Variants in PAFAH1B2 observed in about 807,000 individuals in gnomAD.
PAFAH1B2 encodes platelet-activating factor acetylhydrolase IB subunit alpha2.
PAFAH1B2 carries 8 observed loss-of-function variants against 28.0 expected under a neutral mutation model. The ratio of observed to expected loss-of-function variants is 0.29; its 90% CI spans 0.17 to 0.52. The LOEUF is 0.52. PAFAH1B2 is among the 20% of genes least tolerant of loss of function. The probability of loss-of-function intolerance (pLI) is 0.97; values close to 1 mark genes in which losing one functional copy is unlikely to be tolerated. For missense variants in PAFAH1B2, 190 were observed against 282.6 expected (o/e 0.67, Z 2.35); for synonymous variants, 104 against 103.2 (o/e 1.01, Z -0.05).
At chr11:117,150,554 A>C (rs1041367579) in intron 1 of PAFAH1B2, among the ~76,000 whole-genome samples, 18 of 152,054 alleles carry the variant, frequency 1.2e-4, no homozygotes, top group African/African-American at 3.4e-4. Context: ...TGCTTCTGTA[A>C]TTTATTTTTC....
intron 5 of PAFAH1B2, among the ~76,000 whole-genome samples, chr11:117,165,780 A>G (rs1213024185): frequency 6.6e-6 from 1 of 152,076 alleles, no homozygotes; most frequent in African/African-American, 2.4e-5. Flanking sequence ...GAGGCTGCAT[A>G]AAGTTTGAGC....
In PAFAH1B2 at chr11:117,168,666, T is replaced by G. The variant is rs147305219; in HGVS notation, c.*967T>G. The G allele has an allele frequency of 1.2e-3, 1,268 of 1,063,770 alleles. 12 individuals are homozygous for G. The African/African-American group carries it at 0.019, about 16-fold the overall frequency. 65.9% of individuals were successfully genotyped at this position (1,063,770 alleles called of 1,614,324 possible). On this transcript the variant is annotated 3_prime_UTR_variant, in exon 6 of 6. Transcript: ENST00000527958. ...GGTTTTGTTTTTCCCTTAAAACCTG[T>G]TAACAGTTTTTTTTGGGGGTGGGGG...
At chr11:117,146,838 GGA>G (rs141621972) in intron 1 of PAFAH1B2, among the ~76,000 whole-genome samples, 89,358 of 135,556 alleles carry the variant, frequency 0.66, 29,391 homozygotes, top group Non-Finnish European at 0.76. Context: ...CCCATCTATT[GGA>G]AAAAAAAAAA....
chr11:117,153,949 G>A (rs1956209840), intron 2 of PAFAH1B2, among the ~76,000 whole-genome samples: 1 of 149,172 alleles, frequency 6.7e-6, no homozygotes. Context: ...TTTAAGACAG[G>A]GCAGTATACA....
At chr11:117,149,803 G>C (rs1056438279) in intron 1 of PAFAH1B2, among the ~76,000 whole-genome samples, 8 of 152,020 alleles carry the variant, frequency 5.3e-5, no homozygotes, top group South Asian at 4.1e-4. Context: ...ACAGTAATTG[G>C]CATGTTTATA....
intron 2 of PAFAH1B2, among the ~76,000 whole-genome samples, chr11:117,157,443 G>T (rs1453188063): frequency 6.6e-6 from 1 of 152,132 alleles, no homozygotes; most frequent in Non-Finnish European, 1.5e-5. Context: ...CACCTGACCA[G>T]AGGTGTTTTC....
intron 2 of PAFAH1B2, among the ~76,000 whole-genome samples, chr11:117,157,272 TTAAA>T (rs1030989203): frequency 1.3e-5 from 2 of 151,408 alleles, no homozygotes; most frequent in Admixed American, 6.6e-5. Flanking sequence ...GTTTTCTTTT[TTAAA>T]TAAATAAATG....
Position 117,163,767 on chromosome 11 carries a change from C to T in PAFAH1B2, c.289-3C>T, listed in dbSNP as rs1224300273. The T allele has an allele frequency of 6.2e-7, 1 of 1,612,120 alleles. No homozygotes were observed. Among genetic ancestry groups the T allele is most frequent in the East Asian group, 2.2e-5 (1 of 44,778 alleles). On this transcript the variant is annotated splice_polypyrimidine_tract_variant and splice_region_variant and intron_variant, in intron 4 of 5. Coordinates refer to ENST00000527958, the MANE Select transcript of PAFAH1B2 (RefSeq NM_002572.4). ...CCTTCCCCCCTTTTTTCTTCAATTG[C>T]AGGTCATTGTTGTCTGGGTAGGAAC... is the stretch of plus-strand genomic sequence containing the variant.
intron 4 of PAFAH1B2, among the ~76,000 whole-genome samples, chr11:117,161,909 G>T (rs971088598): frequency 6.6e-6 from 1 of 152,116 alleles, no homozygotes; most frequent in East Asian, 1.9e-4. Flanking sequence ...CATGGGAGCA[G>T]GGCCATGATT....
At position 117,169,168 on chromosome 11, in the gene PAFAH1B2, A is replaced by G. The variant is rs1229967443; in HGVS notation, c.*1469A>G. 9.7e-7 allele frequency: 1 copy of G among 1,028,390 alleles called. No individual in the cohort carries two copies. The highest frequency in any genetic ancestry group is 1.7e-5 in the African/African-American group (1 of 58,986). The allele number at this position is 1,028,390 out of a possible 1,614,324, so 63.7% of individuals were successfully genotyped here. A position where few individuals can be genotyped will look rare whatever the true frequency, so the allele number is the denominator to read the frequency against. On this transcript the variant is annotated 3_prime_UTR_variant, in exon 6 of 6. Transcript: ENST00000527958. ...GGGGAAACAAGTGAAGCTGCTCTTC[A>G]GCATAGACACTACCTTTATCCCATC...
chr11:117,149,482 A>G (rs1956096648), intron 1 of PAFAH1B2, among the ~76,000 whole-genome samples: 1 of 118,704 alleles, frequency 8.4e-6, no homozygotes, highest in Admixed American at 1.2e-4. Flanking sequence ...GCTGGAGTGC[A>G]GTGGCACGAT....
chr11:117,163,792 C>G lies in PAFAH1B2; in HGVS notation c.311C>G (p.Thr104Arg). Residue 104 changes from threonine (T) to arginine (R), a missense_variant, in exon 5 of 6, where the codon ACA (threonine) becomes AGA (arginine). Transcript: ENST00000527958. ...CAGGTCATTGTTGTCTGGGTAGGAA[C>G]AAATAACCACGAAAATACAGCAGAA... is the stretch of plus-strand genomic sequence containing the variant. ...KPKVIVVWVG[T>R]NNHENTAEEV... 6.2e-7 allele frequency: 1 copy of G among 1,613,544 alleles called. No individual in the cohort carries two copies. Among genetic ancestry groups the G allele is most frequent in the Non-Finnish European group, 8.5e-7 (1 of 1,179,778 alleles).
At chr11:117,175,770 C>T, downstream of PAFAH1B2, 1 of 1,098,268 alleles carries the variant, frequency 9.1e-7, no homozygotes, top group Non-Finnish European at 1.3e-6. Flanking sequence ...CATCTTGCCC[C>T]AAAGTTATGA....
chr11:117,151,665 G>A (rs911346640), intron 1 of PAFAH1B2, among the ~76,000 whole-genome samples: 4 of 151,978 alleles, frequency 2.6e-5, no homozygotes, highest in Non-Finnish European at 5.9e-5. Flanking sequence ...TGTTTATTTA[G>A]TAACCAGTGG....
chr11:117,172,185 T>C (rs1261962758), downstream of PAFAH1B2, among the ~76,000 whole-genome samples: 43 of 151,774 alleles, frequency 2.8e-4, no homozygotes, highest in Non-Finnish European at 2.1e-4. Flanking sequence ...TGAGAATCTG[T>C]CCCCTAATTT....
At chr11:117,159,487 C>T (rs974770925) in intron 2 of PAFAH1B2, 1 of 153,268 alleles carries the variant, frequency 6.5e-6, no homozygotes, top group East Asian at 1.9e-4. Context: ...AATCCCAGCA[C>T]TTTGGAAGGC....
intron 4 of PAFAH1B2, 33 bp from the exon 5 acceptor site, chr11:117,163,737 C>T (rs756015045): frequency 2.5e-6 from 4 of 1,594,688 alleles, no homozygotes; most frequent in Non-Finnish European, 3.4e-6. Context: ...GGGTATTTAT[C>T]TTCTCCTTCC....
At chr11:117,154,465 T>C (rs1310053014) in intron 2 of PAFAH1B2, among the ~76,000 whole-genome samples, 1 of 148,776 alleles carries the variant, frequency 6.7e-6, no homozygotes, top group African/African-American at 2.6e-5. Context: ...TCAAGCATGC[T>C]GGAGTGCAGT....
chr11:117,169,941 T>G lies in PAFAH1B2; in HGVS notation c.*2242T>G, dbSNP rs1956610250. 2 of 1,053,572 alleles carry G rather than the reference T, an allele frequency of 1.9e-6. No homozygotes were observed. Among genetic ancestry groups the G allele is most frequent in the Non-Finnish European group, 2.3e-6 (2 of 871,862 alleles). 65.3% of individuals were successfully genotyped at this position (1,053,572 alleles called of 1,614,324 possible). On this transcript the variant is annotated 3_prime_UTR_variant, in exon 6 of 6. Coordinates refer to ENST00000527958, the MANE Select transcript of PAFAH1B2 (RefSeq NM_002572.4). ...GAGGATCAAATATCCCTTTGTGAGC[T>G]GGCCCTCAGCTCCTTTGCTCATGTG...
Sources: allele counts gnomAD v4.1 joint callset (sites outside exome capture counted in the v4.1 genomes callset), GRCh38; gene constraint gnomAD v4.1.1; transcripts MANE v1.5; gene names NCBI Gene and HGNC (gene_info 2026-07-23, HGNC 2026-07-21).